TTC13: variants seen among roughly 807,000 people sequenced by gnomAD.
TTC13 encodes the protein tetratricopeptide repeat domain 13, also known as tetratricopeptide repeat protein 13.
In TTC13, 62 loss-of-function variants were observed where a neutral mutation model predicts 120.0. That is an observed-to-expected ratio of 0.52 (90% CI 0.42 to 0.64). The LOEUF (loss-of-function observed/expected upper bound fraction) is 0.64. Among genes scored for constraint, TTC13 ranks in the 30% least tolerant of loss-of-function variants. TTC13 has a pLI of 0.00. For missense variants in TTC13, 824 were observed against 1,050.2 expected, an observed-to-expected ratio of 0.78 and a Z score of 2.98; for synonymous variants, 384 against 393.5, an observed-to-expected ratio of 0.98 and a Z score of 0.28.
chr1:230,906,741 T>A lies in TTC13; in HGVS notation c.*164A>T, dbSNP rs2102710151. ...CCGAAAGCCTCTTTCATGATTTTCATTATGGTTCAGAAAAGTAAAGAAAAT... is the reference window on the plus strand; with the variant it reads ...CCGAAAGCCTCTTTCATGATTTTCAATATGGTTCAGAAAAGTAAAGAAAAT... On this transcript the variant is annotated 3_prime_UTR_variant, in exon 23 of 23. Coordinates refer to ENST00000366661, the MANE Select transcript of TTC13 (RefSeq NM_024525.5). The A allele has an allele frequency of 2.7e-6, 1 of 366,786 alleles. No homozygotes were observed. The highest frequency in any genetic ancestry group is 4.3e-5 in the East Asian group (1 of 23,144). 22.7% of individuals were successfully genotyped at this position (366,786 alleles called of 1,614,324 possible).
chr1:230,908,853 T>C, intron 21 of TTC13, 62 bp from the exon 22 acceptor site: 1 of 1,604,150 alleles, frequency 6.2e-7, no homozygotes, highest in Non-Finnish European at 8.5e-7. Context: ...CGGCTGGAGA[T>C]CTATGTAACT....
intron 1 of TTC13, among the ~76,000 whole-genome samples, chr1:230,964,303 C>G (rs1269296886): frequency 6.6e-6 from 1 of 152,116 alleles, no homozygotes; most frequent in Non-Finnish European, 1.5e-5. Flanking sequence ...ATAAAATTGC[C>G]AAGTCAAAGG....
rs1316835130 is a variant in TTC13, at chr1:230,978,798, G to A, written c.33C>T (p.Cys11=). 1.0e-5 allele frequency: 15 copies of A among 1,474,890 alleles called. No individual in the cohort carries two copies. The highest frequency in any genetic ancestry group is 1.5e-5 in the African/African-American group (1 of 67,932). 91.4% of individuals were successfully genotyped at this position (1,474,890 alleles called of 1,614,324 possible). A position where few individuals can be genotyped will look rare whatever the true frequency, so the allele number is the denominator to read the frequency against. ...CGGCGGCCACAGCGCCGCCCCAGAA[G>A]CAGCAGCAGCAGCAGCAGCCGGCAG... MAPAGCCCCC[C]FWGGAVAAAG... Residue 11 remains cysteine, a synonymous_variant, in exon 1 of 23, where the codon TGC becomes TGT. Coordinates refer to ENST00000366661, the MANE Select transcript of TTC13 (RefSeq NM_024525.5). This position sits in a 1 kb window ranked among gnomAD's most constrained non-coding sequence, Gnocchi z 5.6.
intron 3 of TTC13, 139 bp from the exon 4 acceptor site, chr1:230,954,542 G>A (rs1270927387): frequency 3.4e-6 from 2 of 584,406 alleles, no homozygotes; most frequent in Non-Finnish European, 6.0e-6. Flanking sequence ...AGTTAATAAG[G>A]TGTCACTGAA....
At chr1:230,964,057 A>T (rs566986932) in intron 1 of TTC13, among the ~76,000 whole-genome samples, 1 of 152,292 alleles carries the variant, frequency 6.6e-6, no homozygotes, top group East Asian at 1.9e-4. Flanking sequence ...TATGCCAGGC[A>T]CTGTGCTAAG....
At chr1:230,956,465 T>TG (rs34436246) in intron 3 of TTC13, 94,047 of 292,226 alleles carry the variant, frequency 0.32, 15,946 homozygotes, top group Middle Eastern at 0.46. Context: ...CATAACTGTC[T>TG]GGTCTTGCTT....
chr1:230,928,813 ACTC>A, intron 12 of TTC13, 121 bp downstream of exon 12: 1 of 884,152 alleles, frequency 1.1e-6, no homozygotes, highest in South Asian at 1.7e-5. Flanking sequence ...GCTTGATTGA[ACTC>A]CTGGCCCCAG....
chr1:230,916,560 G>A (rs4847026), intron 17 of TTC13, among the ~76,000 whole-genome samples: 103,799 of 152,022 alleles, frequency 0.68, 35,524 homozygotes, highest in Admixed American at 0.72. Context: ...GGTTCTCTTC[G>A]TCAACAAGGG....
intron 4 of TTC13, among the ~76,000 whole-genome samples, chr1:230,951,262 A>G (rs1024745010): frequency 6.6e-6 from 1 of 152,200 alleles, no homozygotes; most frequent in Non-Finnish European, 1.5e-5. Flanking sequence ...GAGCTTATCA[A>G]AACAGTGATT....
In TTC13 at chr1:230,945,370, G is replaced by GT; in HGVS notation, c.579+18dup. The GT allele has an allele frequency of 1.9e-6, 3 of 1,611,290 alleles. No homozygotes were observed. The highest frequency in any genetic ancestry group is 1.7e-6 in the Non-Finnish European group (2 of 1,177,454). On this transcript the variant is annotated intron_variant, in intron 5 of 22. Coordinates refer to ENST00000366661, the MANE Select transcript of TTC13 (RefSeq NM_024525.5). ...AGGTCATGTAGGCGCTATGGCAATC[G>GT]TAACTATTACATACTCACATGTAGT...
At position 230,906,703 on chromosome 1, in the gene TTC13, T is replaced by C. The variant is rs1308113185; in HGVS notation, c.*202A>G. ...ACATACGCTTTCCCTCCAAGTCAAGTAGCTTTTTCCCCCCGAAAGCCTCTT... is the reference window on the plus strand; with the variant it reads ...ACATACGCTTTCCCTCCAAGTCAAGCAGCTTTTTCCCCCCGAAAGCCTCTT... On this transcript the variant is annotated 3_prime_UTR_variant, in exon 23 of 23. Coordinates refer to ENST00000366661, the MANE Select transcript of TTC13 (RefSeq NM_024525.5). 3.2e-6 allele frequency: 1 copy of C among 309,812 alleles called. No individual in the cohort carries two copies. Among genetic ancestry groups the C allele is most frequent in the Non-Finnish European group, 6.0e-6 (1 of 167,526 alleles). 19.2% of individuals were successfully genotyped at this position (309,812 alleles called of 1,614,324 possible).
intron 1 of TTC13, among the ~76,000 whole-genome samples, chr1:230,965,793 G>A (rs1176445483): frequency 1.3e-5 from 2 of 151,882 alleles, no homozygotes; most frequent in Non-Finnish European, 2.9e-5. Flanking sequence ...ACACAGGCAT[G>A]CACCACCACA....
chr1:230,968,145 C>CT (rs995990315), intron 1 of TTC13, among the ~76,000 whole-genome samples: 18 of 85,562 alleles, frequency 2.1e-4, no homozygotes, highest in South Asian at 8.6e-4. Context: ...TTTTATTCTT[C>CT]TTTTTTTTAT....
chr1:230,917,929 G>A (rs1017450653), intron 17 of TTC13, among the ~76,000 whole-genome samples: 1 of 152,230 alleles, frequency 6.6e-6, no homozygotes, highest in Non-Finnish European at 1.5e-5. Context: ...CTCAGGGCCT[G>A]TGGTGAAGCC....
At chr1:230,948,133 C>T (rs946949677) in intron 4 of TTC13, among the ~76,000 whole-genome samples, 3 of 152,160 alleles carry the variant, frequency 2.0e-5, no homozygotes, top group South Asian at 2.1e-4. Context: ...CAGTGACTCC[C>T]CAACACCTAA....
intron 1 of TTC13, among the ~76,000 whole-genome samples, chr1:230,961,872 T>C (rs1676670285): frequency 6.6e-6 from 1 of 151,966 alleles, no homozygotes; most frequent in Non-Finnish European, 1.5e-5. Flanking sequence ...TTAAAAAAAA[T>C]CACAAAAGGA....
Position 230,954,390 on chromosome 1 carries a change from G to C in TTC13, c.456C>G (p.Val152=), listed in dbSNP as rs754767399. 3.1e-6 allele frequency: 5 copies of C among 1,610,704 alleles called. No homozygotes were observed. In the East Asian group the frequency reaches 8.9e-5, roughly 29 times the overall value. The stretch of plus-strand genomic sequence containing the variant: ...CATCATACAGACCACTGCCAATCAA[G>C]ACATAAGCAATAGCTATGAAACAAA... ...STNEELAIAY[V]LIGSGLYDEA... Residue 152 remains valine (V), a synonymous_variant, in exon 4 of 23, where the codon GTC becomes GTG. Coordinates refer to ENST00000366661, the MANE Select transcript of TTC13 (RefSeq NM_024525.5).
chr1:230,931,930 C>T, intron 9 of TTC13, 53 bp from the exon 10 acceptor site: 1 of 1,550,770 alleles, frequency 6.4e-7, no homozygotes, highest in Non-Finnish European at 8.8e-7. Context: ...GGGAAACATA[C>T]AGAATAAGCT....
intron 8 of TTC13, among the ~76,000 whole-genome samples, chr1:230,937,974 G>C (rs767737949): frequency 2.0e-5 from 3 of 152,140 alleles, no homozygotes; most frequent in Non-Finnish European, 2.9e-5. Flanking sequence ...GCACTAATAC[G>C]TATTGAGCAC....
Sources: allele counts gnomAD v4.1 joint callset (sites outside exome capture counted in the v4.1 genomes callset), GRCh38; gene constraint gnomAD v4.1.1; non-coding constraint Gnocchi (gnomAD v3.1); transcripts MANE v1.5; gene names NCBI Gene and HGNC (gene_info 2026-07-23, HGNC 2026-07-21).